PTBP2: variants seen among roughly 807,000 people sequenced by gnomAD.
The protein encoded by PTBP2 is polypyrimidine tract binding protein 2, also known as polypyrimidine tract-binding protein 2.
In PTBP2, 13 loss-of-function variants were observed where a neutral mutation model predicts 61.4. That is an observed-to-expected ratio of 0.21 (90% CI 0.14 to 0.34). The LOEUF (loss-of-function observed/expected upper bound fraction) is 0.34, where lower values mean the gene tolerates loss of function less well. Ranked by LOEUF, PTBP2 falls within the 10% of genes least tolerant of loss-of-function variation. PTBP2 has a pLI of 1.00. For synonymous variants in PTBP2, 215 were observed against 218.5 expected, an observed-to-expected ratio of 0.98 and a Z score of 0.14; for missense variants, 405 against 642.6, an observed-to-expected ratio of 0.63 and a Z score of 4.00.
At chr1:96,768,553 G>A (rs913655601) in intron 3 of PTBP2, among the ~76,000 whole-genome samples, 4 of 151,934 alleles carry the variant, frequency 2.6e-5, no homozygotes, top group Non-Finnish European at 5.9e-5. Context: ...GATCCTAAAA[G>A]ACTAAGAACC....
intron 8 of PTBP2, among the ~76,000 whole-genome samples, chr1:96,793,453 T>G (rs1391449222): frequency 6.6e-6 from 1 of 152,138 alleles, no homozygotes; most frequent in African/African-American, 2.4e-5. Context: ...CACTGCAAGC[T>G]CCGCCTCCTG....
intron 8 of PTBP2, among the ~76,000 whole-genome samples, chr1:96,791,832 T>TTTGTTTTTTTTTTG (rs1346568221): frequency 7.5e-6 from 1 of 132,896 alleles, no homozygotes; most frequent in African/African-American, 2.9e-5. Context: ...TGTGCTTTTT[T>TTTGTTTTTTTTTTG]TTTTTTTTTT....
At chr1:96,799,116 C>T (rs1457638336) in intron 8 of PTBP2, among the ~76,000 whole-genome samples, 3 of 152,082 alleles carry the variant, frequency 2.0e-5, no homozygotes, top group African/African-American at 7.2e-5. Context: ...AGTGTCAGAA[C>T]TAACATGAGA....
rs776394641 is a variant in PTBP2 at position 96,806,472 on chromosome 1, A to G, written c.1078+20A>G. On this transcript the variant is annotated intron_variant, in intron 10 of 13. Transcript: ENST00000674951. ...TCTTCGGTATGTTATTGTTAGCACTATACTTTTATTATTGATTTGATTTTT... is the reference window on the plus strand; with the variant it reads ...TCTTCGGTATGTTATTGTTAGCACTGTACTTTTATTATTGATTTGATTTTT... 6.9e-6 allele frequency: 11 copies of G among 1,598,640 alleles called. No individual in the cohort carries two copies. The highest frequency in any genetic ancestry group is 9.4e-6 in the Non-Finnish European group (11 of 1,166,482).
At chr1:96,818,539 T>C (rs1370979780), downstream of PTBP2, 2 of 152,122 alleles carry the variant, frequency 1.3e-5, no homozygotes, top group African/African-American at 2.4e-5. Flanking sequence ...ATTAAAAATA[T>C]AGTCACCAGA....
chr1:96,751,223 A>G lies in PTBP2; in HGVS notation c.40-202A>G, dbSNP rs1006533863. 17 of 651,370 alleles carry G rather than the reference A, an allele frequency of 2.6e-5. No homozygotes were observed. The African/African-American group carries it at 3.1e-4, about 12-fold the overall frequency. The allele number at this position is 651,370 out of a possible 1,614,324, so 40.3% of individuals were successfully genotyped here. A position where few individuals can be genotyped will look rare whatever the true frequency, so the allele number is the denominator to read the frequency against. Reference sequence around the variant, plus strand: ...TTGTCTTTTGGGCTTAGAGTAAAGAAGGGAAGGGAACACTGTTGCCTTTGT... The same window carrying G: ...TTGTCTTTTGGGCTTAGAGTAAAGAGGGGAAGGGAACACTGTTGCCTTTGT... On this transcript the variant is annotated intron_variant, in intron 2 of 13. Transcript: ENST00000674951.
At chr1:96,783,604 T>C (rs1218085165) in intron 7 of PTBP2, among the ~76,000 whole-genome samples, 2 of 152,070 alleles carry the variant, frequency 1.3e-5, no homozygotes. Context: ...ATTTTCTCTT[T>C]GATAACATTG....
chr1:96,806,368 G>A, intron 9 of PTBP2, 51 bp from the exon 10 acceptor site: 1 of 1,386,242 alleles, frequency 7.2e-7, no homozygotes, highest in Non-Finnish European at 1.0e-6. Context: ...GCTCTTCCTC[G>A]ACTCTTCTCT....
intron 2 of PTBP2, among the ~76,000 whole-genome samples, chr1:96,742,986 T>C (rs1036246315): frequency 1.3e-5 from 2 of 152,194 alleles, no homozygotes; most frequent in African/African-American, 4.8e-5. Flanking sequence ...GTGAGTCATC[T>C]GTACAATTTC....
intron 3 of PTBP2, among the ~76,000 whole-genome samples, chr1:96,752,687 T>TA (rs1654703598): frequency 6.6e-6 from 1 of 152,062 alleles, no homozygotes; most frequent in Non-Finnish European, 1.5e-5. Flanking sequence ...ATGCATACTG[T>TA]GATCGATAAT....
chr1:96,778,151 G>A (rs900644916), intron 7 of PTBP2, among the ~76,000 whole-genome samples: 1 of 149,418 alleles, frequency 6.7e-6, no homozygotes, highest in Admixed American at 6.7e-5. Context: ...CCATGATGTG[G>A]GTTTCTATTA....
At chr1:96,787,202 C>T (rs979262002) in intron 8 of PTBP2, among the ~76,000 whole-genome samples, 7 of 151,726 alleles carry the variant, frequency 4.6e-5, no homozygotes, top group African/African-American at 1.5e-4. Flanking sequence ...TGTCTTTTTT[C>T]GTAGAGATGA....
chr1:96,740,598 C>T (rs61786388), intron 2 of PTBP2, among the ~76,000 whole-genome samples: 2 of 152,154 alleles, frequency 1.3e-5, no homozygotes, highest in Non-Finnish European at 2.9e-5. Flanking sequence ...TACTTCTCCA[C>T]TCCAGGTAAT....
intron 8 of PTBP2, among the ~76,000 whole-genome samples, chr1:96,788,053 C>G (rs924964539): frequency 6.6e-6 from 1 of 152,040 alleles, no homozygotes; most frequent in African/African-American, 2.4e-5. Context: ...TTTTCCCCTG[C>G]CAGCATACTA....
In PTBP2 at chr1:96,815,033, T is replaced by C. The variant is rs1267793650; in HGVS notation, c.*1628T>C. Reference sequence around the variant, plus strand: ...TATGGCTTTATACCATAAATAAATCTAGATGCTGTGAAAATATACCAGCTG... The same window carrying C: ...TATGGCTTTATACCATAAATAAATCCAGATGCTGTGAAAATATACCAGCTG... On this transcript the variant is annotated 3_prime_UTR_variant, in exon 14 of 14. Transcript: ENST00000674951. The C allele has an allele frequency of 6.6e-6, 1 of 152,588 alleles. No homozygotes were observed. Among genetic ancestry groups the C allele is most frequent in the African/African-American group, 2.4e-5 (1 of 41,452 alleles). 9.5% of individuals were successfully genotyped at this position (152,588 alleles called of 1,614,324 possible).
At chr1:96,778,433 A>G (rs1377701664) in intron 7 of PTBP2, among the ~76,000 whole-genome samples, 1 of 151,440 alleles carries the variant, frequency 6.6e-6, no homozygotes, top group African/African-American at 2.4e-5. Context: ...CTTTTTATTC[A>G]TATCATTTAT....
At chr1:96,728,304 G>A (rs918010921) in intron 2 of PTBP2, among the ~76,000 whole-genome samples, 4 of 152,146 alleles carry the variant, frequency 2.6e-5, no homozygotes, top group Admixed American at 6.6e-5. Flanking sequence ...TTTTCTAATA[G>A]AAGTTTTATA....
At chr1:96,766,925 C>G (rs1312469863) in intron 3 of PTBP2, among the ~76,000 whole-genome samples, 1 of 152,128 alleles carries the variant, frequency 6.6e-6, no homozygotes, top group Non-Finnish European at 1.5e-5. Flanking sequence ...AATCCTTTCT[C>G]TGCTACTTCC....
chr1:96,820,583 G>C (rs1408562151), exon 14 of PTBP2: 1 of 151,892 alleles, frequency 6.6e-6, no homozygotes, highest in Non-Finnish European at 1.5e-5. Context: ...CAAGTTAAAA[G>C]CCACGCTCAT....
Sources: allele counts gnomAD v4.1 joint callset (sites outside exome capture counted in the v4.1 genomes callset), GRCh38; gene constraint gnomAD v4.1.1; transcripts MANE v1.5; gene names NCBI Gene and HGNC (gene_info 2026-07-23, HGNC 2026-07-21).